The following KCNH8 variants were observed in gnomAD, a reference collection of about 807,000 sequenced individuals.
KCNH8 encodes voltage-gated delayed rectifier potassium channel KCNH8.
In KCNH8, 70 loss-of-function variants were observed where a neutral mutation model predicts 103.6. The observed-to-expected ratio is 0.68, with a 90% confidence interval of 0.56 to 0.82. The LOEUF (loss-of-function observed/expected upper bound fraction) is 0.82, where lower values mean the gene tolerates loss of function less well. Among genes scored for constraint, KCNH8 ranks in the 40% least tolerant of loss-of-function variants. The pLI, the probability that KCNH8 is intolerant of heterozygous loss-of-function variation, is 0.00. For missense variants in KCNH8, 1,217 were observed against 1,329.9 expected (o/e 0.92, Z 1.32); for synonymous variants, 498 against 489.4 (o/e 1.02, Z -0.23).
chr3:19,148,925 T>C (rs2063101774), intron 1 of KCNH8, 130 bp downstream of exon 1: 1 of 826,666 alleles, frequency 1.2e-6, no homozygotes, highest in South Asian at 1.5e-5. Context: ...CCAAGGTATC[T>C]TTTGTGCGGA....
At chr3:19,356,023 T>C (rs1457198293) in intron 5 of KCNH8, among the ~76,000 whole-genome samples, 1 of 151,744 alleles carries the variant, frequency 6.6e-6, no homozygotes, top group Non-Finnish European at 1.5e-5. Context: ...TGTTAAAAAG[T>C]AGTACAAAAA....
At chr3:19,359,495 A>T (rs1185994983) in intron 5 of KCNH8, among the ~76,000 whole-genome samples, 2 of 152,010 alleles carry the variant, frequency 1.3e-5, no homozygotes, top group Admixed American at 6.6e-5. Context: ...GAAAAACGTG[A>T]TCGACACCTG....
intron 5 of KCNH8, among the ~76,000 whole-genome samples, chr3:19,350,711 C>G (rs1257433541): frequency 6.6e-6 from 1 of 152,024 alleles, no homozygotes; most frequent in African/African-American, 2.4e-5. Flanking sequence ...ACATCCACAC[C>G]AAAACCCCAT....
At chr3:19,516,654 C>T (rs1440395382) in intron 14 of KCNH8, among the ~76,000 whole-genome samples, 1 of 151,972 alleles carries the variant, frequency 6.6e-6, no homozygotes, top group African/African-American at 2.4e-5. Context: ...CTCTTAGCTT[C>T]CTCCTCTTCC....
At chr3:19,162,500 CCTT>C (rs1295957052) in intron 1 of KCNH8, among the ~76,000 whole-genome samples, 1 of 151,492 alleles carries the variant, frequency 6.6e-6, no homozygotes, top group Non-Finnish European at 1.5e-5. Context: ...GAGTGAGGCT[CCTT>C]CTCAAACAAA....
chr3:19,241,122 T>C (rs1000613747), intron 1 of KCNH8, among the ~76,000 whole-genome samples: 3 of 152,174 alleles, frequency 2.0e-5, no homozygotes, highest in Admixed American at 1.3e-4. Context: ...CTTTTGTCTG[T>C]TTGCGTTTGT....
chr3:19,182,250 C>T (rs962258821), intron 1 of KCNH8, among the ~76,000 whole-genome samples: 1 of 152,124 alleles, frequency 6.6e-6, no homozygotes, highest in Non-Finnish European at 1.5e-5. Flanking sequence ...GAGGCTTGGC[C>T]GGGCGTGGTG....
At chr3:19,503,630 G>A (rs1345375436) in intron 11 of KCNH8, among the ~76,000 whole-genome samples, 1 of 152,070 alleles carries the variant, frequency 6.6e-6, no homozygotes, top group African/African-American at 2.4e-5. Flanking sequence ...CCTTTGTAGG[G>A]ACATGGATTA....
intron 3 of KCNH8, among the ~76,000 whole-genome samples, chr3:19,294,881 C>G (rs542770814): frequency 2.0e-5 from 3 of 152,278 alleles, no homozygotes; most frequent in African/African-American, 7.2e-5. Context: ...AAAATACTCT[C>G]GTGGATTGCA....
chr3:19,501,567 C>T (rs746305599), intron 11 of KCNH8, among the ~76,000 whole-genome samples: 8 of 152,068 alleles, frequency 5.3e-5, no homozygotes, highest in Non-Finnish European at 1.2e-4. Flanking sequence ...ACATCAAAAA[C>T]GTTATCCACC....
chr3:19,368,847 C>A (rs2066048108), intron 5 of KCNH8, among the ~76,000 whole-genome samples: 1 of 151,878 alleles, frequency 6.6e-6, no homozygotes, highest in South Asian at 2.1e-4. Flanking sequence ...GAGATGCTGT[C>A]TAATTTTAAA....
chr3:19,510,474 C>G, intron 12 of KCNH8, 73 bp downstream of exon 12: 1 of 945,836 alleles, frequency 1.1e-6, no homozygotes, highest in South Asian at 1.3e-5. Context: ...TCTTGTCTTT[C>G]TCTTCAGAAT....
intron 11 of KCNH8, among the ~76,000 whole-genome samples, chr3:19,461,197 C>T (rs182316923): frequency 9.2e-5 from 14 of 152,298 alleles, no homozygotes; most frequent in African/African-American, 2.6e-4. Flanking sequence ...TTATGAGTTA[C>T]ATTTTAAAGG....
At chr3:19,505,957 C>G (rs1185112542) in intron 11 of KCNH8, among the ~76,000 whole-genome samples, 1 of 151,568 alleles carries the variant, frequency 6.6e-6, no homozygotes, top group African/African-American at 2.4e-5. Context: ...GTTTATTCTG[C>G]TCTTAATAAT....
chr3:19,360,558 G>A (rs1246231465), intron 5 of KCNH8, among the ~76,000 whole-genome samples: 2 of 151,990 alleles, frequency 1.3e-5, no homozygotes, highest in Admixed American at 1.3e-4. Context: ...TTCACAATCA[G>A]TCCTTTAAAC....
At position 19,515,429 on chromosome 3, in the gene KCNH8, G is replaced by T. The variant is rs779830784; in HGVS notation, c.2542+1G>T. ...CCCAGAATTTCTCCTCCTCTTGGAG[G>T]TAAGATCTATATTTAGTCTTCTCCT... On this transcript the variant is annotated splice_donor_variant, in intron 14 of 15. Coordinates refer to ENST00000328405, the MANE Select transcript of KCNH8 (RefSeq NM_144633.3). LOFTEE classifies it high-confidence loss of function. 6.8e-7 allele frequency: 1 copy of T among 1,472,656 alleles called. No homozygotes were observed. Among genetic ancestry groups the T allele is most frequent in the Non-Finnish European group, 9.2e-7 (1 of 1,088,672 alleles). The allele number at this position is 1,472,656 out of a possible 1,614,324, so 91.2% of individuals were successfully genotyped here.
intron 3 of KCNH8, among the ~76,000 whole-genome samples, chr3:19,301,932 G>T (rs536625525): frequency 4.6e-5 from 7 of 152,166 alleles, no homozygotes; most frequent in African/African-American, 7.2e-5. Context: ...CAAATTAAAA[G>T]GTCCAGAAGG....
intron 10 of KCNH8, among the ~76,000 whole-genome samples, chr3:19,452,201 T>C (rs1026780150): frequency 1.3e-5 from 2 of 152,066 alleles, no homozygotes; most frequent in Non-Finnish European, 2.9e-5. Context: ...CTGGGCAACA[T>C]GGACAGACCC....
chr3:19,314,800 C>T (rs896011484), intron 3 of KCNH8: 1 of 154,184 alleles, frequency 6.5e-6, no homozygotes, highest in African/African-American at 2.4e-5. Context: ...AATCCCAGAT[C>T]ATTCCATATT....
Sources: allele counts gnomAD v4.1 joint callset (sites outside exome capture counted in the v4.1 genomes callset), GRCh38; gene constraint gnomAD v4.1.1; transcripts MANE v1.5; gene names NCBI Gene and HGNC (gene_info 2026-07-23, HGNC 2026-07-21).